Variants in XRN1 observed in about 807,000 individuals in gnomAD.
XRN1 encodes strand-exchange protein 1 homolog.
A neutral mutation model predicts 222.3 loss-of-function variants in XRN1; 67 were observed. The observed-to-expected ratio is 0.30, with a 90% CI of 0.25 to 0.37. The LOEUF (loss-of-function observed/expected upper bound fraction) is 0.37, where lower values mean the gene tolerates loss of function less well. XRN1 is among the 10% of genes least tolerant of loss of function. The pLI is 1.00. For synonymous variants in XRN1, 643 were observed against 652.4 expected, an observed-to-expected ratio of 0.99 and a Z score of 0.22; for missense variants, 1,707 against 2,000.2, an observed-to-expected ratio of 0.85 and a Z score of 2.80.
Position 142,318,896 on chromosome 3 carries a change from G to C in XRN1, c.4412C>G (p.Thr1471Ser), listed in dbSNP as rs539299018. 1 of 1,612,934 alleles carries C rather than the reference G, an allele frequency of 6.2e-7. No homozygotes were observed. Among genetic ancestry groups the C allele is most frequent in the Non-Finnish European group, 8.5e-7 (1 of 1,179,452 alleles). Residue 1471 changes from threonine to serine, a missense_variant, in exon 38 of 41, where the codon ACC becomes AGC. Thr to Ser is a moderately conservative substitution (Grantham distance 58). Around this residue, in one of 2 missense-constraint regions of XRN1, gnomAD observed 473 missense variants for 482.0 expected, o/e 0.98. Coordinates refer to ENST00000392981, the MANE Select transcript of XRN1 (RefSeq NM_001282857.2). ...ATTAGATAATTTTACTTGGCAAACGGTCATTGTCTAAAAAAAGAGAATATA... is the reference window on the plus strand; with the variant it reads ...ATTAGATAATTTTACTTGGCAAACGCTCATTGTCTAAAAAAAGAGAATATA... ...FSFLRMPQTMTVCQVKLSNGL... is the reference protein window; with the variant it reads ...FSFLRMPQTMSVCQVKLSNGL...
chr3:142,445,688 C>G (rs778779346), intron 1 of XRN1, among the ~76,000 whole-genome samples: 103 of 152,278 alleles, frequency 6.8e-4, no homozygotes, highest in Non-Finnish European at 1.1e-3. Context: ...CCACTTCCAG[C>G]ATAACATTTC....
intron 32 of XRN1, among the ~76,000 whole-genome samples, chr3:142,353,739 AG>A (rs2107822069): frequency 6.6e-6 from 1 of 152,344 alleles, no homozygotes; most frequent in Non-Finnish European, 1.5e-5. Context: ...AAGAAAATCC[AG>A]GAAATACCAC....
At chr3:142,396,603 C>T (rs189238198) in intron 20 of XRN1, among the ~76,000 whole-genome samples, 21 of 152,190 alleles carry the variant, frequency 1.4e-4, no homozygotes, top group Admixed American at 1.1e-3. Context: ...AACGTTTTCC[C>T]GGTTTATTCA....
rs142721772 is a variant in XRN1, at chr3:142,408,303, C to T, written c.1714-3227G>A. Among the ~76,000 whole-genome samples, 203 of 152,254 alleles carry T rather than the reference C, an allele frequency of 1.3e-3. 2 individuals are homozygous for T. The highest frequency in any genetic ancestry group is 4.5e-3 in the African/African-American group (189 of 41,540). ...GGCATTGTGGGGAACCTGCCATTGG[C>T]GCATCTGGCCTATACATGTGCCATT... On this transcript the variant is annotated intron_variant, in intron 15 of 40. Coordinates refer to ENST00000392981, the MANE Select transcript of XRN1 (RefSeq NM_001282857.2).
At chr3:142,371,364 A>G (rs766384652) in intron 25 of XRN1, 36 bp from the exon 26 acceptor site, 2 of 1,487,016 alleles carry the variant, frequency 1.3e-6, no homozygotes, top group Non-Finnish European at 1.8e-6. Context: ...CTTAAAATAT[A>G]TATGGTTAAT....
In XRN1 at chr3:142,418,484, A is replaced by G; in HGVS notation, c.1346+20T>C. 1 of 1,547,078 alleles carries G rather than the reference A, an allele frequency of 6.5e-7. No homozygotes were observed. The highest frequency in any genetic ancestry group is 8.8e-7 in the Non-Finnish European group (1 of 1,137,798). On this transcript the variant is annotated intron_variant, in intron 12 of 40. Transcript: ENST00000392981. ...TCTAATTTTTTCTATTTTAAAATAAAAGCATTGGCAAAAACGTACTCAGAT... is the reference window on the plus strand; with the variant it reads ...TCTAATTTTTTCTATTTTAAAATAAGAGCATTGGCAAAAACGTACTCAGAT...
rs571854934 is a variant in XRN1, at chr3:142,324,646, T to C, written c.4404+4788A>G. ...TGGCTGGGTCAAATGGTATTTCTAG[T>C]TCTAGATCCCTGAGGAAATGCCACA... On this transcript the variant is annotated intron_variant, in intron 37 of 40. Coordinates refer to ENST00000392981, the MANE Select transcript of XRN1 (RefSeq NM_001282857.2). Among the ~76,000 whole-genome samples, 44 of 151,976 alleles carry C rather than the reference T, an allele frequency of 2.9e-4. 1 individual carries two copies. Among genetic ancestry groups the C allele is most frequent in the Admixed American group, 1.2e-3 (18 of 15,294 alleles).
intron 22 of XRN1, among the ~76,000 whole-genome samples, chr3:142,382,715 GGT>G (rs2067345848): frequency 6.6e-6 from 1 of 151,904 alleles, no homozygotes; most frequent in South Asian, 2.1e-4. Flanking sequence ...ATTGTGCTAA[GGT>G]GTCTTTGCTT....
At chr3:142,336,611 G>A (rs967797084) in intron 33 of XRN1, among the ~76,000 whole-genome samples, 5 of 151,282 alleles carry the variant, frequency 3.3e-5, no homozygotes, top group African/African-American at 1.2e-4. Context: ...GGAATAGAGA[G>A]AGAGGAAAAG....
rs1333395779 is a variant in XRN1 at position 142,318,794 on chromosome 3, T to A, written c.4514A>T (p.Gln1505Leu). 4 of 1,613,916 alleles carry A rather than the reference T, an allele frequency of 2.5e-6. No homozygotes were observed. Among genetic ancestry groups the A allele is most frequent in the Non-Finnish European group, 3.4e-6 (4 of 1,179,874 alleles). ...GAAGTCATGGACAGTTCTTACCAAC[T>A]GTTGTAAAGCAAAAAGTGCAGCTTT... ...KEKAALFALQ[Q>L]LGSLGMNFPL... Residue 1505 changes from glutamine to leucine, a missense_variant, in exon 38 of 41, where the codon CAG (glutamine) becomes CTG (leucine). By Grantham distance (113) the Gln-to-Leu change is moderately radical. This residue lies in a region of XRN1 where 473 missense variants were observed against 482.0 expected (regional missense o/e 0.98). Coordinates refer to ENST00000392981, the MANE Select transcript of XRN1 (RefSeq NM_001282857.2).
chr3:142,371,788 T>C (rs189769901), intron 25 of XRN1, among the ~76,000 whole-genome samples: 78 of 152,340 alleles, frequency 5.1e-4, no homozygotes, highest in African/African-American at 1.9e-3. Flanking sequence ...TATGCTTATC[T>C]TCCATCCCTC....
At chr3:142,401,852 T>A (rs1201490319) in intron 18 of XRN1, among the ~76,000 whole-genome samples, 1 of 152,246 alleles carries the variant, frequency 6.6e-6, no homozygotes, top group African/African-American at 2.4e-5. Context: ...TTTTCAAAGA[T>A]CAACATTGAT....
intron 1 of XRN1, among the ~76,000 whole-genome samples, chr3:142,444,256 G>C (rs2070391850): frequency 1.3e-5 from 2 of 152,102 alleles, no homozygotes; most frequent in Non-Finnish European, 2.9e-5. Context: ...ATCAGAGTGG[G>C]CAACATGGCA....
Position 142,432,837 on chromosome 3 carries a change from G to A in XRN1, c.132C>T (p.Ser44=), listed in dbSNP as rs765627830. The A allele has an allele frequency of 6.2e-7, 1 of 1,613,864 alleles. No individual in the cohort carries two copies. The highest frequency in any genetic ancestry group is 8.5e-7 in the Non-Finnish European group (1 of 1,179,964). The part of the protein sequence containing the change: ...LDMNGIIHQC[S]HPNDDDVHFR... ...AGTGAACATCATCATCATTAGGATG[G>A]GAGCACTGATGTATAATTCCATTCA... The change falls in exon 2 of 41, where the codon TCC becomes TCT. Residue 44 remains serine (S), a synonymous_variant. Transcript: ENST00000392981.
At chr3:142,390,873 T>G (rs1178727676) in intron 20 of XRN1, among the ~76,000 whole-genome samples, 1 of 152,164 alleles carries the variant, frequency 6.6e-6, no homozygotes, top group Non-Finnish European at 1.5e-5. Context: ...AAGAGGACAT[T>G]GTAGGGCTAC....
At chr3:142,385,187 A>G (rs1489087034) in intron 20 of XRN1, among the ~76,000 whole-genome samples, 3 of 152,208 alleles carry the variant, frequency 2.0e-5, no homozygotes, top group South Asian at 4.1e-4. Flanking sequence ...TCATAGCACC[A>G]CTATTCAAAT....
chr3:142,400,573 T>C (rs367923926), intron 18 of XRN1, 26 bp from the exon 19 acceptor site: 9 of 1,580,504 alleles, frequency 5.7e-6, no homozygotes, highest in Non-Finnish European at 7.8e-6. Flanking sequence ...AAAAAGTTCA[T>C]TCATGATTTC....
chr3:142,332,674 G>T, intron 35 of XRN1, 140 bp from the exon 36 acceptor site: 1 of 666,832 alleles, frequency 1.5e-6, no homozygotes, highest in Non-Finnish European at 2.1e-6. Flanking sequence ...GATAGAAACT[G>T]AAAAAAAAAA....
intron 33 of XRN1, among the ~76,000 whole-genome samples, chr3:142,345,773 T>C (rs1232491998): frequency 6.6e-6 from 1 of 152,170 alleles, no homozygotes; most frequent in Non-Finnish European, 1.5e-5. Context: ...AAAGATGATA[T>C]ACATGAAAAG....
Sources: gnomAD v4.1 joint callset for allele counts (sites outside exome capture counted in the v4.1 genomes callset) on GRCh38, gnomAD v4.1.1 for gene constraint, gnomAD v4.1.1 regional missense constraint, MANE v1.5 for transcripts, NCBI Gene and HGNC (gene_info 2026-07-23, HGNC 2026-07-21) for gene names.